MLPH: variants seen among roughly 807,000 people sequenced by gnomAD.
MLPH encodes the protein melanophilin, also known as exophilin-3.
A neutral mutation model predicts 72.1 loss-of-function variants in MLPH; 51 were observed. The ratio of observed to expected loss-of-function variants is 0.71; its 90% confidence interval spans 0.56 to 0.89. MLPH has a LOEUF of 0.89. Ranked by LOEUF, MLPH falls within the 40% of genes least tolerant of loss-of-function variation. The probability of loss-of-function intolerance (pLI) is 0.00; values close to 1 mark genes in which losing one functional copy is unlikely to be tolerated. For missense variants in MLPH, 743 were observed against 759.9 expected (o/e 0.98, Z 0.26); for synonymous variants, 301 against 310.1 (o/e 0.97, Z 0.31).
At chr2:237,543,093 T>TGGAGACAGTGGTGAGTTG (rs2080758014) in intron 12 of MLPH, among the ~76,000 whole-genome samples, 1 of 42,082 alleles carries the variant, frequency 2.4e-5, no homozygotes, top group Admixed American at 2.7e-4. Context: ...CAGTGGTGAG[T>TGGAGACAGTGGTGAGTTG]GGGGACAGTG....
intron 8 of MLPH, among the ~76,000 whole-genome samples, chr2:237,528,651 AT>A (rs2080355898): frequency 2.0e-5 from 3 of 152,022 alleles, no homozygotes; most frequent in Non-Finnish European, 4.4e-5. Flanking sequence ...GTGACGTACA[AT>A]TCAGTGACAG....
At chr2:237,500,140 C>T (rs1009987712) in intron 2 of MLPH, among the ~76,000 whole-genome samples, 2 of 152,164 alleles carry the variant, frequency 1.3e-5, no homozygotes, top group South Asian at 2.1e-4. Context: ...GGCTCTACGT[C>T]GTGTGTTGGA....
At chr2:237,504,963 C>T (rs2079733711) in intron 2 of MLPH, among the ~76,000 whole-genome samples, 1 of 152,198 alleles carries the variant, frequency 6.6e-6, no homozygotes, top group Non-Finnish European at 1.5e-5. Context: ...ACAGTGCAAG[C>T]TTCAGGGCTT....
rs369514614 is a variant in MLPH, at chr2:237,527,469, G to A, written c.973G>A (p.Ala325Thr). The A allele has an allele frequency of 9.4e-5, 151 of 1,614,066 alleles. No homozygotes were observed. The highest frequency in any genetic ancestry group is 1.6e-4 in the Middle Eastern group (1 of 6,084). Reference sequence around the variant, plus strand: ...GGAAAGCATCCGGGCTCACGTGATGGCCTCCCACCATTCCAAGCGGAGAGG... The same window carrying A: ...GGAAAGCATCCGGGCTCACGTGATGACCTCCCACCATTCCAAGCGGAGAGG... ...DEESIRAHVM[A>T]SHHSKRRGRA... Residue 325 changes from alanine to threonine, a missense_variant, in exon 8 of 16, where the codon GCC (alanine) becomes ACC (threonine). Coordinates refer to ENST00000264605, the MANE Select transcript of MLPH (RefSeq NM_024101.7).
chr2:237,549,384 A>G (rs2080986966), intron 14 of MLPH, 106 bp downstream of exon 14: 7 of 1,089,202 alleles, frequency 6.4e-6, no homozygotes, highest in Non-Finnish European at 9.9e-6. Context: ...TGTGGGACAT[A>G]TCTCATGTCC....
chr2:237,510,858 TG>T lies in MLPH; in HGVS notation c.332+67del. The T allele has an allele frequency of 6.3e-7, 1 of 1,588,662 alleles. No individual in the cohort carries two copies. On this transcript the variant is annotated intron_variant, in intron 3 of 15. Coordinates refer to ENST00000264605, the MANE Select transcript of MLPH (RefSeq NM_024101.7). This position sits in a 1 kb window ranked among gnomAD's most constrained non-coding sequence, Gnocchi z 4.4. ...TTCTGGATCTGGCGTGTCCCTTCCATGGGGCTAGCTGAAGAAGGGTGGACGC... is the reference window on the plus strand; with the variant it reads ...TTCTGGATCTGGCGTGTCCCTTCCATGGGCTAGCTGAAGAAGGGTGGACGC...
At chr2:237,514,671 C>A (rs2079976421) in intron 4 of MLPH, among the ~76,000 whole-genome samples, 1 of 152,228 alleles carries the variant, frequency 6.6e-6, no homozygotes, top group South Asian at 2.1e-4. Context: ...GCATTGCCAG[C>A]CAGGCAGGCA....
rs149149653 is a variant in MLPH, at chr2:237,549,422, G to A, written c.1675+144G>A. The A allele has an allele frequency of 1.5e-4, 134 of 868,652 alleles. No individual in the cohort carries two copies. The African/African-American group carries it at 1.7e-3, about 11-fold the overall frequency. The allele number at this position is 868,652 out of a possible 1,614,324, so 53.8% of individuals were successfully genotyped here. The stretch of plus-strand genomic sequence containing the variant: ...ACTCCCAAAAAACATTCCCAGTGCC[G>A]CTCGGGCCACCCTCAGGACCCAGCA... On this transcript the variant is annotated intron_variant, in intron 14 of 15. Coordinates refer to ENST00000264605, the MANE Select transcript of MLPH (RefSeq NM_024101.7).
intron 2 of MLPH, among the ~76,000 whole-genome samples, chr2:237,500,630 TC>T (rs1042570254): frequency 1.3e-5 from 2 of 152,030 alleles, no homozygotes; most frequent in African/African-American, 2.4e-5. Context: ...GCCAAAGTGT[TC>T]CACTGACATC....
intron 4 of MLPH, among the ~76,000 whole-genome samples, chr2:237,513,298 C>T (rs1316286214): frequency 2.0e-5 from 3 of 152,132 alleles, no homozygotes; most frequent in Non-Finnish European, 2.9e-5. Context: ...GAAGCAGCTT[C>T]GATGGCCGAT....
chr2:237,515,759 C>T (rs986403353), intron 4 of MLPH, among the ~76,000 whole-genome samples: 3 of 152,144 alleles, frequency 2.0e-5, no homozygotes, highest in Non-Finnish European at 4.4e-5. Flanking sequence ...CCCTCCAAGG[C>T]AGGGGTGCTG....
intron 2 of MLPH, among the ~76,000 whole-genome samples, chr2:237,501,682 A>AAAAAAAAAAAC (rs2079653212): frequency 8.1e-6 from 1 of 123,908 alleles, no homozygotes; most frequent in African/African-American, 3.4e-5. Flanking sequence ...AAAAAAAAAA[A>AAAAAAAAAAAC]AAAAAAATAC....
upstream of MLPH, among the ~76,000 whole-genome samples, chr2:237,486,952 A>G (rs2079328223): frequency 6.6e-6 from 1 of 152,040 alleles, no homozygotes; most frequent in South Asian, 2.1e-4. Context: ...AGCGGGTCCC[A>G]CCGTGCCCAA....
chr2:237,502,529 A>G (rs899830773), intron 2 of MLPH, among the ~76,000 whole-genome samples: 1 of 152,208 alleles, frequency 6.6e-6, no homozygotes, highest in Non-Finnish European at 1.5e-5. Context: ...GTAGCCCCTC[A>G]GCTGTGGTTA....
chr2:237,538,321 G>A (rs1322009262), intron 9 of MLPH, among the ~76,000 whole-genome samples: 5 of 152,330 alleles, frequency 3.3e-5, no homozygotes, highest in East Asian at 3.9e-4. Flanking sequence ...ACATGAACAC[G>A]GGGGTCCCCC....
chr2:237,547,371 C>A (rs956111197), intron 13 of MLPH, among the ~76,000 whole-genome samples: 11 of 127,812 alleles, frequency 8.6e-5, no homozygotes, highest in African/African-American at 3.5e-4. Context: ...AGGAGCAGTG[C>A]ACAGAGGGCA....
chr2:237,540,085 G>A (rs1192639908), intron 9 of MLPH, among the ~76,000 whole-genome samples: 3 of 152,148 alleles, frequency 2.0e-5, no homozygotes, highest in East Asian at 3.8e-4. Context: ...GATGAGAAGG[G>A]AGAAAAAAAA....
chr2:237,519,916 C>T lies in MLPH; in HGVS notation c.562C>T (p.Arg188Cys), dbSNP rs377402911. The change falls in exon 6 of 16, where the codon CGC (arginine) becomes TGC (cysteine). Residue 188 changes from arginine (R) to cysteine (C), a missense_variant. Coordinates refer to ENST00000264605, the MANE Select transcript of MLPH (RefSeq NM_024101.7). The part of the protein sequence containing the change: ...QAQPFGSKKK[R>C]LLSVHDFDFE... ...CTGTCTTGTGCCTGCTAAGAAAAAG[C>T]GCCTCCTCTCCGTCCACGACTTCGA... is the stretch of plus-strand genomic sequence containing the variant. 19 of 1,613,878 alleles carry T rather than the reference C, an allele frequency of 1.2e-5. No homozygotes were observed. Among genetic ancestry groups the T allele is most frequent in the African/African-American group, 1.1e-4 (8 of 74,896 alleles).
intron 6 of MLPH, among the ~76,000 whole-genome samples, chr2:237,522,712 G>A (rs2080215860): frequency 6.6e-6 from 1 of 152,226 alleles, no homozygotes; most frequent in African/African-American, 2.4e-5. Context: ...TGGGAGTCAG[G>A]GATGGAGGCC....
Sources: gnomAD v4.1 joint callset for allele counts (sites outside exome capture counted in the v4.1 genomes callset) on GRCh38, gnomAD v4.1.1 for gene constraint, Gnocchi (gnomAD v3.1) non-coding constraint, MANE v1.5 for transcripts, NCBI Gene and HGNC (gene_info 2026-07-23, HGNC 2026-07-21) for gene names.